The following NME7 variants were observed in gnomAD, a reference collection of about 807,000 sequenced individuals.
NME7 encodes the protein NME/NM23 family member 7.
Under a neutral mutation model 49.1 loss-of-function variants are expected in NME7, and 41 were observed. The ratio of observed to expected loss-of-function variants is 0.83; its 90% CI spans 0.65 to 1.08. The LOEUF (loss-of-function observed/expected upper bound fraction) is 1.08, where lower values mean the gene tolerates loss of function less well. Ranked by LOEUF, NME7 falls within the 50% of genes least tolerant of loss-of-function variation. The pLI is 0.00. For missense variants in NME7, 423 were observed against 463.4 expected (o/e 0.91, Z 0.80); for synonymous variants, 139 against 150.6 (o/e 0.92, Z 0.56).
At chr1:169,332,915 T>C (rs2101949267) in intron 1 of NME7, among the ~76,000 whole-genome samples, 1 of 152,196 alleles carries the variant, frequency 6.6e-6, no homozygotes, top group Admixed American at 6.5e-5. Flanking sequence ...AGTTTGAAGG[T>C]TTCTCACAGA....
At chr1:169,163,274 A>G (rs1659301901) in intron 11 of NME7, among the ~76,000 whole-genome samples, 1 of 151,928 alleles carries the variant, frequency 6.6e-6, no homozygotes, top group South Asian at 2.1e-4. Flanking sequence ...ATTCATTTTC[A>G]TAGACAAGGG....
At chr1:169,329,006 G>T (rs1466626478) in intron 1 of NME7, among the ~76,000 whole-genome samples, 3 of 152,118 alleles carry the variant, frequency 2.0e-5, no homozygotes, top group Non-Finnish European at 4.4e-5. Flanking sequence ...CAAGTATCAA[G>T]ATCATCCAGG....
chr1:169,155,415 C>A (rs1659039253), intron 11 of NME7, among the ~76,000 whole-genome samples: 1 of 152,174 alleles, frequency 6.6e-6, no homozygotes, highest in African/African-American at 2.4e-5. Flanking sequence ...TTTGGAACTG[C>A]CTGTTTATGG....
intron 9 of NME7, among the ~76,000 whole-genome samples, chr1:169,231,281 A>C: frequency 6.6e-6 from 1 of 152,170 alleles, no homozygotes; most frequent in Non-Finnish European, 1.5e-5. Flanking sequence ...ACGAAACAAT[A>C]GTTTTCATAC....
intron 10 of NME7, among the ~76,000 whole-genome samples, chr1:169,182,709 T>G (rs1242533957): frequency 2.6e-5 from 4 of 152,202 alleles, no homozygotes. Flanking sequence ...CCTTTTTATA[T>G]CCAACACACA....
intron 1 of NME7, among the ~76,000 whole-genome samples, chr1:169,339,367 C>T (rs1302916554): frequency 1.3e-5 from 2 of 152,176 alleles, no homozygotes; most frequent in African/African-American, 2.4e-5. Context: ...CAACAATTAA[C>T]TGAACCACAA....
At chr1:169,300,594 T>C (rs1356813919) in intron 5 of NME7, among the ~76,000 whole-genome samples, 1 of 152,150 alleles carries the variant, frequency 6.6e-6, no homozygotes, top group African/African-American at 2.4e-5. Flanking sequence ...CTGTTCTATG[T>C]CAAGGAACAA....
chr1:169,300,274 C>G, intron 5 of NME7, among the ~76,000 whole-genome samples: 1 of 152,034 alleles, frequency 6.6e-6, no homozygotes, highest in East Asian at 1.9e-4. Context: ...ATAATTTCCA[C>G]CAATTTTCTA....
intron 10 of NME7, among the ~76,000 whole-genome samples, chr1:169,183,572 C>T (rs930266606): frequency 1.4e-4 from 22 of 152,068 alleles, no homozygotes; most frequent in African/African-American, 5.1e-4. Context: ...GAGGCTGAGG[C>T]GGGCGGATCA....
chr1:169,160,477 G>A (rs992037774), intron 11 of NME7, among the ~76,000 whole-genome samples: 2 of 151,986 alleles, frequency 1.3e-5, no homozygotes, highest in African/African-American at 2.4e-5. Context: ...GGTACTAGAT[G>A]TTTTGGAATT....
intron 11 of NME7, among the ~76,000 whole-genome samples, chr1:169,143,960 ATT>A (rs1243836164): frequency 6.6e-6 from 1 of 152,120 alleles, no homozygotes; most frequent in East Asian, 1.9e-4. Context: ...CATCCACAAC[ATT>A]TTGCAAACAA....
intron 1 of NME7, among the ~76,000 whole-genome samples, chr1:169,348,501 T>G (rs1433258447): frequency 1.3e-5 from 2 of 152,162 alleles, no homozygotes; most frequent in South Asian, 4.1e-4. Flanking sequence ...TGTGATACTG[T>G]GTACATCTGT....
chr1:169,191,506 A>G (rs992955136), intron 10 of NME7, among the ~76,000 whole-genome samples: 3 of 152,224 alleles, frequency 2.0e-5, no homozygotes, highest in Non-Finnish European at 4.4e-5. Context: ...AGGTGTCCCA[A>G]ATAAGAGAAA....
intron 7 of NME7, among the ~76,000 whole-genome samples, chr1:169,245,474 TA>T (rs540784958): frequency 3.5e-4 from 53 of 152,166 alleles, no homozygotes; most frequent in Non-Finnish European, 6.5e-4. Context: ...TGGTGGGAAA[TA>T]AAACGAAACG....
At chr1:169,350,128 G>A (rs1301326902) in intron 1 of NME7, among the ~76,000 whole-genome samples, 1 of 151,556 alleles carries the variant, frequency 6.6e-6, no homozygotes, top group South Asian at 2.1e-4. Flanking sequence ...GAAGGTGGAG[G>A]TTGCAGTGAC....
chr1:169,322,424 A>C (rs1284999682), intron 3 of NME7: 1 of 152,102 alleles, frequency 6.6e-6, no homozygotes, highest in Non-Finnish European at 1.5e-5. Context: ...CTTTAGACAT[A>C]CCGTACCTCC....
intron 7 of NME7, among the ~76,000 whole-genome samples, chr1:169,244,181 G>C (rs543763465): frequency 4.6e-5 from 7 of 152,108 alleles, no homozygotes; most frequent in Admixed American, 4.6e-4. Flanking sequence ...TTGTTCAGAG[G>C]ATCATCACTT....
At chr1:169,324,625 G>A (rs1651987913) in intron 1 of NME7, 125 bp from the exon 2 acceptor site, 1 of 603,558 alleles carries the variant, frequency 1.7e-6, no homozygotes, top group Non-Finnish European at 2.9e-6. Context: ...TATATTGAAT[G>A]TTTCTGCTTT....
At chr1:169,198,854 A>G (rs1480185685) in intron 10 of NME7, among the ~76,000 whole-genome samples, 1 of 152,160 alleles carries the variant, frequency 6.6e-6, no homozygotes, top group Non-Finnish European at 1.5e-5. Context: ...TTACACCTCA[A>G]TAAAGCTGTT....
Sources: gnomAD v4.1 joint callset for allele counts (sites outside exome capture counted in the v4.1 genomes callset) on GRCh38, gnomAD v4.1.1 for gene constraint, MANE v1.5 for transcripts, NCBI Gene and HGNC (gene_info 2026-07-23, HGNC 2026-07-21) for gene names.